PLCXD3: variants seen among roughly 807,000 people sequenced by gnomAD.
The protein encoded by PLCXD3 is phosphatidylinositol specific phospholipase C X domain containing 3.
In PLCXD3, 19 loss-of-function variants were observed where a neutral mutation model predicts 25.5. That is an observed-to-expected ratio of 0.75 (90% CI 0.52 to 1.09). The LOEUF is 1.09. Ranked by LOEUF, PLCXD3 falls within the 50% of genes least tolerant of loss-of-function variation. The probability of loss-of-function intolerance (pLI) is 0.00; values close to 1 mark genes in which losing one functional copy is unlikely to be tolerated. For synonymous variants in PLCXD3, 174 were observed against 137.6 expected (o/e 1.26, Z -1.85); for missense variants, 411 against 388.1 (o/e 1.06, Z -0.50).
chr5:41,418,514 T>A (rs376432854), intron 1 of PLCXD3, among the ~76,000 whole-genome samples: 1 of 152,048 alleles, frequency 6.6e-6, no homozygotes, highest in Non-Finnish European at 1.5e-5. Context: ...AAAAAACACA[T>A]GTCATATTAA....
At chr5:41,473,023 T>C (rs1338318881) in intron 1 of PLCXD3, among the ~76,000 whole-genome samples, 1 of 152,168 alleles carries the variant, frequency 6.6e-6, no homozygotes, top group Admixed American at 6.5e-5. Context: ...CCTATCTATA[T>C]TCTTAACATT....
chr5:41,501,779 C>A (rs1748956471), intron 1 of PLCXD3, among the ~76,000 whole-genome samples: 1 of 152,010 alleles, frequency 6.6e-6, no homozygotes. Flanking sequence ...TGTGGCGAAC[C>A]ACATCAATGT....
At chr5:41,361,081 C>T (rs1370198818) in intron 2 of PLCXD3, among the ~76,000 whole-genome samples, 1 of 151,660 alleles carries the variant, frequency 6.6e-6, no homozygotes, top group African/African-American at 2.4e-5. Context: ...CTTGCTGTGG[C>T]TGCTGTGGGG....
chr5:41,479,276 G>A (rs768655931), intron 1 of PLCXD3, among the ~76,000 whole-genome samples: 1 of 152,148 alleles, frequency 6.6e-6, no homozygotes, highest in Non-Finnish European at 1.5e-5. Flanking sequence ...GGTGCCTAGA[G>A]TAATCAAATT....
intron 1 of PLCXD3, among the ~76,000 whole-genome samples, chr5:41,487,341 T>G (rs2150524368): frequency 6.6e-6 from 1 of 152,284 alleles, no homozygotes; most frequent in South Asian, 2.1e-4. Flanking sequence ...AGGAGCTCAC[T>G]TGACTACTCT....
At chr5:41,499,709 T>C (rs1748914776) in intron 1 of PLCXD3, among the ~76,000 whole-genome samples, 1 of 151,794 alleles carries the variant, frequency 6.6e-6, no homozygotes, top group South Asian at 2.1e-4. Flanking sequence ...AAAACAAAGC[T>C]GGAGGCCTCA....
intron 1 of PLCXD3, among the ~76,000 whole-genome samples, chr5:41,386,560 AC>A (rs1470355030): frequency 6.6e-6 from 1 of 152,050 alleles, no homozygotes; most frequent in Non-Finnish European, 1.5e-5. Context: ...TAGAAATGAG[AC>A]TTTTAAAAAT....
At chr5:41,501,683 C>T (rs1748953903) in intron 1 of PLCXD3, among the ~76,000 whole-genome samples, 2 of 151,718 alleles carry the variant, frequency 1.3e-5, no homozygotes, top group South Asian at 2.1e-4. Flanking sequence ...GTAAATTTCA[C>T]GTTATGGATG....
chr5:41,480,390 G>GA (rs1748378386), intron 1 of PLCXD3, among the ~76,000 whole-genome samples: 1 of 132,556 alleles, frequency 7.5e-6, no homozygotes. Flanking sequence ...CTGTAACAAA[G>GA]TTGTTTTTTT....
intron 2 of PLCXD3, among the ~76,000 whole-genome samples, chr5:41,340,015 TA>T (rs1326824263): frequency 5.3e-5 from 8 of 152,162 alleles, no homozygotes; most frequent in Non-Finnish European, 1.2e-4. Flanking sequence ...AAAATTCAGA[TA>T]AATGGCTCTC....
chr5:41,418,803 T>A lies in PLCXD3; in HGVS notation c.104-36269A>T, dbSNP rs577940261. Among the ~76,000 whole-genome samples the A allele has an allele frequency of 5.9e-4, 90 of 152,230 alleles. 1 individual carries two copies. The highest frequency in any genetic ancestry group is 2.5e-4 in the Non-Finnish European group (17 of 68,044). Reference sequence around the variant, plus strand: ...TCCAGCAATGACACTGAATCAGTCATCATTTTGGAGAAGAGTGTGACTCCC... The same window carrying A: ...TCCAGCAATGACACTGAATCAGTCAACATTTTGGAGAAGAGTGTGACTCCC... On this transcript the variant is annotated intron_variant, in intron 1 of 2. Transcript: ENST00000377801.
At position 41,408,638 on chromosome 5, in the gene PLCXD3, G is replaced by T. The variant is rs192700071; in HGVS notation, c.104-26104C>A. Among the ~76,000 whole-genome samples, 11 of 152,166 alleles carry T rather than the reference G, an allele frequency of 7.2e-5. No homozygotes were observed. In the East Asian group the frequency reaches 1.9e-3, roughly 27 times the overall value. On this transcript the variant is annotated intron_variant, in intron 1 of 2. Coordinates refer to ENST00000377801, the MANE Select transcript of PLCXD3 (RefSeq NM_001005473.3). The stretch of plus-strand genomic sequence containing the variant: ...AATTTTATTTTAATAAACTGTCTGA[G>T]GTTATTTAGTTATTAATACTCATAA...
chr5:41,350,955 A>AC (rs1744443563), intron 2 of PLCXD3, among the ~76,000 whole-genome samples: 2 of 152,136 alleles, frequency 1.3e-5, no homozygotes, highest in Non-Finnish European at 2.9e-5. Flanking sequence ...TCTAAAAAAA[A>AC]GATTTCTGGT....
intron 1 of PLCXD3, among the ~76,000 whole-genome samples, chr5:41,462,784 CAAAAAGAAAAA>C (rs1252008082): frequency 6.8e-6 from 1 of 146,356 alleles, no homozygotes; most frequent in Admixed American, 6.8e-5. Flanking sequence ...AACTCTGTCT[CAAAAAGAAAAA>C]AAAAAGAAAA....
intron 1 of PLCXD3, among the ~76,000 whole-genome samples, chr5:41,480,110 C>T (rs190121391): frequency 1.3e-5 from 2 of 152,244 alleles, no homozygotes; most frequent in Admixed American, 1.3e-4. Flanking sequence ...CTTTTCTGTT[C>T]TGAATTTTGG....
At chr5:41,400,961 A>T (rs1055710353) in intron 1 of PLCXD3, among the ~76,000 whole-genome samples, 4 of 151,894 alleles carry the variant, frequency 2.6e-5, no homozygotes, top group Non-Finnish European at 4.4e-5. Flanking sequence ...GTACCCCATA[A>T]ATCTACATAC....
At chr5:41,407,350 T>C (rs1746381958) in intron 1 of PLCXD3, among the ~76,000 whole-genome samples, 1 of 152,198 alleles carries the variant, frequency 6.6e-6, no homozygotes, top group Admixed American at 6.5e-5. Context: ...TGGAAGATAG[T>C]TCAAATTGTG....
intron 2 of PLCXD3, among the ~76,000 whole-genome samples, chr5:41,370,329 T>G (rs1302807256): frequency 1.2e-5 from 1 of 82,254 alleles, no homozygotes; most frequent in Non-Finnish European, 2.4e-5. Context: ...CTGCAATTGA[T>G]GCATGCAGTA....
rs116227524 is a variant in PLCXD3, at chr5:41,321,921, A to G, written c.813-8151T>C. ...TCTCTCACCTCTCACCATATACAAA[A>G]ATCAGATCAAAATGGATTAAAGACT... is the stretch of plus-strand genomic sequence containing the variant. On this transcript the variant is annotated intron_variant, in intron 2 of 2. Transcript: ENST00000377801. 2.4e-3 allele frequency among the ~76,000 whole-genome samples: 371 copies of G among 152,318 alleles called. 3 individuals are homozygous for G. Among genetic ancestry groups the G allele is most frequent in the African/African-American group, 8.5e-3 (354 of 41,572 alleles).
Sources: allele counts gnomAD v4.1 joint callset (sites outside exome capture counted in the v4.1 genomes callset), GRCh38; gene constraint gnomAD v4.1.1; transcripts MANE v1.5; gene names NCBI Gene and HGNC (gene_info 2026-07-23, HGNC 2026-07-21).